PRKN: variants seen among roughly 807,000 people sequenced by gnomAD.
PRKN encodes parkin RBR E3 ubiquitin protein ligase, also known as E3 ubiquitin-protein ligase parkin.
A neutral mutation model predicts 59.5 loss-of-function variants in PRKN; 56 were observed. The observed-to-expected ratio is 0.94, with a 90% confidence interval of 0.76 to 1.18. The LOEUF (loss-of-function observed/expected upper bound fraction) is 1.18, where lower values mean the gene tolerates loss of function less well. Among genes scored for constraint, PRKN ranks in the 50% most tolerant of loss-of-function variants. The pLI is 0.00. For synonymous variants in PRKN, 250 were observed against 222.1 expected, an observed-to-expected ratio of 1.13 and a Z score of -1.12; for missense variants, 657 against 596.4, an observed-to-expected ratio of 1.10 and a Z score of -1.06.
chr6:162,096,377 C>T (rs913745629), intron 4 of PRKN, among the ~76,000 whole-genome samples: 2 of 152,152 alleles, frequency 1.3e-5, no homozygotes, highest in Non-Finnish European at 2.9e-5. Context: ...TCCATTAGCC[C>T]TTTAATCAAT....
At chr6:161,537,693 C>T (rs556405354) in intron 9 of PRKN, among the ~76,000 whole-genome samples, 262 of 152,238 alleles carry the variant, frequency 1.7e-3, no homozygotes, top group Non-Finnish European at 3.2e-3. Context: ...CCTCGTGATC[C>T]GCCCGCCTTA....
chr6:162,068,463 G>A (rs140001577), intron 4 of PRKN, among the ~76,000 whole-genome samples: 114 of 152,284 alleles, frequency 7.5e-4, no homozygotes, highest in African/African-American at 2.6e-3. Context: ...TCAAGATGTC[G>A]GCTGGGCTGC....
chr6:162,529,371 CCA>C (rs1191514007), intron 1 of PRKN, among the ~76,000 whole-genome samples: 1 of 152,152 alleles, frequency 6.6e-6, no homozygotes, highest in East Asian at 1.9e-4. Context: ...TTTTTCTCCT[CCA>C]CACTCTCCAA....
chr6:161,596,127 A>G (rs565763674), intron 7 of PRKN, among the ~76,000 whole-genome samples: 2 of 152,220 alleles, frequency 1.3e-5, no homozygotes, highest in Admixed American at 6.5e-5. Flanking sequence ...TGCTATACCT[A>G]TCAGGGTTGA....
intron 1 of PRKN, among the ~76,000 whole-genome samples, chr6:162,599,601 C>G (rs1478194432): frequency 6.6e-6 from 1 of 152,116 alleles, no homozygotes; most frequent in Admixed American, 6.6e-5. Flanking sequence ...TCAAGGCAGG[C>G]TGCGTGGGTT....
At chr6:162,552,404 G>C (rs1343503388) in intron 1 of PRKN, among the ~76,000 whole-genome samples, 1 of 152,264 alleles carries the variant, frequency 6.6e-6, no homozygotes, top group East Asian at 1.9e-4. Context: ...AGGTTATCGC[G>C]GTGGCAATGG....
intron 7 of PRKN, among the ~76,000 whole-genome samples, chr6:161,733,769 T>TAAA (rs1787818174): frequency 1.4e-5 from 1 of 69,852 alleles, no homozygotes; most frequent in African/African-American, 8.8e-5. Flanking sequence ...TCCCAGGGGG[T>TAAA]GAAAAAAAAA....
At chr6:162,571,016 T>G (rs1780300470) in intron 1 of PRKN, among the ~76,000 whole-genome samples, 1 of 152,160 alleles carries the variant, frequency 6.6e-6, no homozygotes, top group African/African-American at 2.4e-5. Flanking sequence ...TATTTCACAT[T>G]GCATGCCTGT....
intron 9 of PRKN, among the ~76,000 whole-genome samples, chr6:161,482,890 C>CTT (rs1303632613): frequency 6.6e-6 from 1 of 152,170 alleles, no homozygotes; most frequent in African/African-American, 2.4e-5. Flanking sequence ...TTCATAAGCA[C>CTT]TTTAAGTATT....
chr6:162,329,175 G>A (rs1263685547), intron 2 of PRKN, among the ~76,000 whole-genome samples: 1 of 152,158 alleles, frequency 6.6e-6, no homozygotes, highest in Non-Finnish European at 1.5e-5. Context: ...TCATGGGTTT[G>A]ATTTTCTTAA....
intron 9 of PRKN, among the ~76,000 whole-genome samples, chr6:161,511,332 G>T (rs1451806595): frequency 6.6e-6 from 1 of 152,142 alleles, no homozygotes. Context: ...TAGTTCAGAT[G>T]ATTTAAACTT....
Position 161,973,365 on chromosome 6 carries a change from A to G in PRKN, c.671T>C (p.Val224Ala), listed in dbSNP as rs539815495. 4.2e-5 allele frequency: 67 copies of G among 1,613,852 alleles called. 1 individual carries two copies. The South Asian group carries it at 7.0e-4, about 17-fold the overall frequency. The change falls in exon 6 of 12, where the codon GTA (valine) becomes GCA (alanine). Residue 224 changes from valine (V) to alanine (A), a missense_variant. By Grantham distance (64) the Val-to-Ala change is moderately conservative. Coordinates refer to ENST00000366898, the MANE Select transcript of PRKN (RefSeq NM_004562.3). The part of the protein sequence containing the change: ...AHPTSDKETS[V>A]ALHLIATNSR... The stretch of plus-strand genomic sequence containing the variant: ...ATTTGTTGCGATCAGGTGCAAAGCT[A>G]CTGATGTTTCCTTGTCAGAGGTGGG...
At chr6:161,555,418 G>A (rs1411638693) in intron 8 of PRKN, among the ~76,000 whole-genome samples, 1 of 125,170 alleles carries the variant, frequency 8.0e-6, no homozygotes, top group African/African-American at 2.9e-5. Flanking sequence ...TTCCTTTGCT[G>A]TTGCTCAGTT....
intron 1 of PRKN, among the ~76,000 whole-genome samples, chr6:162,510,065 T>C (rs954515208): frequency 6.6e-6 from 1 of 152,222 alleles, no homozygotes; most frequent in African/African-American, 2.4e-5. Flanking sequence ...AGAAAGGCTT[T>C]GCTTTCTTCA....
intron 4 of PRKN, among the ~76,000 whole-genome samples, chr6:162,199,791 C>T (rs549933613): frequency 1.3e-5 from 2 of 152,234 alleles, no homozygotes; most frequent in African/African-American, 4.8e-5. Context: ...GTAATTCCAC[C>T]ATTTTCTCAG....
intron 2 of PRKN, among the ~76,000 whole-genome samples, chr6:162,367,821 T>C (rs1283865579): frequency 6.6e-6 from 1 of 152,068 alleles, no homozygotes; most frequent in Non-Finnish European, 1.5e-5. Flanking sequence ...CCTGGTAAAC[T>C]GTAGGAAACA....
chr6:162,205,604 A>G (rs1204982088), intron 3 of PRKN, among the ~76,000 whole-genome samples: 1 of 152,182 alleles, frequency 6.6e-6, no homozygotes, highest in Non-Finnish European at 1.5e-5. Flanking sequence ...AGAGCAAAAC[A>G]GCAGGAACAG....
intron 7 of PRKN, among the ~76,000 whole-genome samples, chr6:161,606,953 C>G (rs1303733200): frequency 6.6e-6 from 1 of 152,186 alleles, no homozygotes; most frequent in Non-Finnish European, 1.5e-5. Flanking sequence ...CCTGGCACAG[C>G]ATGGGGGGGA....
chr6:161,436,203 G>A (rs1788889655), intron 9 of PRKN, among the ~76,000 whole-genome samples: 1 of 117,940 alleles, frequency 8.5e-6, no homozygotes, highest in Non-Finnish European at 1.8e-5. Context: ...CAGGATGGGA[G>A]GGCAGAGAGC....
Sources: allele counts gnomAD v4.1 joint callset (sites outside exome capture counted in the v4.1 genomes callset), GRCh38; gene constraint gnomAD v4.1.1; transcripts MANE v1.5; gene names NCBI Gene and HGNC (gene_info 2026-07-23, HGNC 2026-07-21).